SDK1: variants seen among roughly 807,000 people sequenced by gnomAD.
The protein encoded by SDK1 is protein sidekick-1.
Under a neutral mutation model 245.5 loss-of-function variants are expected in SDK1, and 157 were observed. The observed-to-expected ratio is 0.64, with a 90% CI of 0.56 to 0.73. The LOEUF is 0.73. SDK1 is among the 30% of genes least tolerant of loss of function. The probability of loss-of-function intolerance (pLI) is 0.00; values close to 1 mark genes in which losing one functional copy is unlikely to be tolerated. For synonymous variants in SDK1, 1,647 were observed against 1,278.5 expected (o/e 1.29, Z -6.15); for missense variants, 3,583 against 3,002.3 (o/e 1.19, Z -4.52).
chr7:3,765,421 G>T (rs545097808), intron 4 of SDK1, among the ~76,000 whole-genome samples: 1 of 152,270 alleles, frequency 6.6e-6, no homozygotes, highest in East Asian at 1.9e-4. Flanking sequence ...CACATGCAAG[G>T]AAACAGAGTT....
chr7:3,709,922 G>A (rs904820447), intron 4 of SDK1, among the ~76,000 whole-genome samples: 5 of 152,174 alleles, frequency 3.3e-5, no homozygotes, highest in Admixed American at 6.5e-5. Flanking sequence ...TGAGCTCACA[G>A]GAGCAAAGCA....
At chr7:3,342,376 G>A (rs1780371122) in intron 1 of SDK1, among the ~76,000 whole-genome samples, 5 of 151,974 alleles carry the variant, frequency 3.3e-5, no homozygotes, top group Admixed American at 3.3e-4. Flanking sequence ...ATCACCTGAG[G>A]TCGGGAGTTT....
chr7:4,179,276 T>C (rs994232168), intron 35 of SDK1: 1 of 152,286 alleles, frequency 6.6e-6, no homozygotes, highest in African/African-American at 2.4e-5. Context: ...GCCTGATGTT[T>C]CTGCTCTTTT....
At chr7:3,356,867 C>G (rs778023957) in intron 1 of SDK1, among the ~76,000 whole-genome samples, 15 of 151,976 alleles carry the variant, frequency 9.9e-5, no homozygotes, top group Non-Finnish European at 2.1e-4. Context: ...ACCAGCCTGA[C>G]CAACATGGTG....
At chr7:4,003,972 C>A (rs1785269416) in intron 14 of SDK1, among the ~76,000 whole-genome samples, 1 of 152,244 alleles carries the variant, frequency 6.6e-6, no homozygotes, top group African/African-American at 2.4e-5. Flanking sequence ...TCCTAGGCAA[C>A]AATGAGATGT....
chr7:3,860,916 A>C (rs1780673784), intron 5 of SDK1, among the ~76,000 whole-genome samples: 1 of 152,238 alleles, frequency 6.6e-6, no homozygotes, highest in Admixed American at 6.5e-5. Flanking sequence ...TTTTGCCTTT[A>C]AAAACCTGCT....
intron 1 of SDK1, among the ~76,000 whole-genome samples, chr7:3,452,588 CTAATA>C (rs897862633): frequency 5.9e-5 from 9 of 152,118 alleles, no homozygotes; most frequent in Non-Finnish European, 1.0e-4. Context: ...CACTTTCATA[CTAATA>C]TAAGGCACTC....
At chr7:4,251,519 T>C (rs542509459) in intron 44 of SDK1, among the ~76,000 whole-genome samples, 1 of 152,286 alleles carries the variant, frequency 6.6e-6, no homozygotes, top group Admixed American at 6.5e-5. Context: ...TGCAACTGCA[T>C]TGTAGGTACT....
intron 4 of SDK1, among the ~76,000 whole-genome samples, chr7:3,808,861 C>A (rs1779315364): frequency 6.6e-6 from 1 of 152,096 alleles, no homozygotes; most frequent in African/African-American, 2.4e-5. Flanking sequence ...AAAAAAAAAT[C>A]ATTAAAAATT....
intron 4 of SDK1, among the ~76,000 whole-genome samples, chr7:3,803,913 C>T (rs569641506): frequency 6.9e-4 from 104 of 151,686 alleles, no homozygotes; most frequent in Non-Finnish European, 4.9e-4. Context: ...TACAGGCACC[C>T]GCCACCACGC....
chr7:3,511,073 C>T (rs1211658848), intron 1 of SDK1, among the ~76,000 whole-genome samples: 1 of 152,096 alleles, frequency 6.6e-6, no homozygotes, highest in Non-Finnish European at 1.5e-5. Context: ...TGGCTTGGGC[C>T]AGGGTGGCAG....
At chr7:3,760,854 T>C (rs1427897022) in intron 4 of SDK1, among the ~76,000 whole-genome samples, 1 of 152,240 alleles carries the variant, frequency 6.6e-6, no homozygotes, top group Non-Finnish European at 1.5e-5. Context: ...GATCTATTTA[T>C]GCTGTTGTGT....
chr7:4,017,104 C>A, intron 16 of SDK1, 67 bp from the exon 17 acceptor site: 3 of 1,473,492 alleles, frequency 2.0e-6, no homozygotes, highest in Non-Finnish European at 2.7e-6. Context: ...TGCGGAATAA[C>A]TGCGGGTAAA....
At chr7:3,921,878 A>G (rs12701290) in intron 5 of SDK1, among the ~76,000 whole-genome samples, 18,865 of 152,036 alleles carry the variant, frequency 0.12, 1,485 homozygotes, top group South Asian at 0.18. Context: ...AGGTGGGAGG[A>G]TCACCTGAGC....
At chr7:4,122,145 G>T (rs1784104010) in intron 25 of SDK1, among the ~76,000 whole-genome samples, 1 of 152,084 alleles carries the variant, frequency 6.6e-6, no homozygotes. Context: ...CCCTCCTTGT[G>T]TTTAGCTCAT....
At position 4,217,684 on chromosome 7, in the gene SDK1, C is replaced by T. The variant is rs145950016; in HGVS notation, c.5540-2425C>T. ...GCACTCAGCCATGTGCTTGGGAATCCGATTTTATGGCAGAGCTATTTTTAC... is the reference window on the plus strand; with the variant it reads ...GCACTCAGCCATGTGCTTGGGAATCTGATTTTATGGCAGAGCTATTTTTAC... On this transcript the variant is annotated intron_variant, in intron 38 of 44. Coordinates refer to ENST00000404826, the MANE Select transcript of SDK1 (RefSeq NM_152744.4). 2.2e-4 allele frequency among the ~76,000 whole-genome samples: 34 copies of T among 152,194 alleles called. No individual in the cohort carries two copies. In the East Asian group the frequency reaches 4.8e-3, roughly 22 times the overall value.
intron 7 of SDK1, among the ~76,000 whole-genome samples, chr7:3,956,434 A>G (rs1190895797): frequency 2.0e-5 from 3 of 152,178 alleles, no homozygotes; most frequent in Non-Finnish European, 4.4e-5. Context: ...TGGCAGGGAG[A>G]GAACTCGTAC....
At chr7:3,991,391 C>T (rs181063852) in intron 14 of SDK1, among the ~76,000 whole-genome samples, 142 of 152,280 alleles carry the variant, frequency 9.3e-4, no homozygotes, top group Non-Finnish European at 1.7e-3. Context: ...CTTTTCCCTC[C>T]TCAGGGCTCC....
chr7:3,411,053 C>G (rs1462852630), intron 1 of SDK1, among the ~76,000 whole-genome samples: 2 of 152,046 alleles, frequency 1.3e-5, no homozygotes, highest in African/African-American at 4.8e-5. Flanking sequence ...GTAAGAAGAG[C>G]TTTGTAATGA....
Sources: gnomAD v4.1 joint callset for allele counts (sites outside exome capture counted in the v4.1 genomes callset) on GRCh38, gnomAD v4.1.1 for gene constraint, MANE v1.5 for transcripts, NCBI Gene and HGNC (gene_info 2026-07-23, HGNC 2026-07-21) for gene names.